The following MARCHF1 variants were observed in gnomAD, a reference collection of about 807,000 sequenced individuals.
The protein encoded by MARCHF1 is membrane associated ring-CH-type finger 1.
In MARCHF1, 40 loss-of-function variants were observed where a neutral mutation model predicts 54.2. The observed-to-expected ratio is 0.74, with a 90% CI of 0.57 to 0.96. The LOEUF is 0.96. Among genes scored for constraint, MARCHF1 ranks in the 40% least tolerant of loss-of-function variants. MARCHF1 has a pLI of 0.00. For missense variants in MARCHF1, 586 were observed against 656.5 expected, an observed-to-expected ratio of 0.89 and a Z score of 1.17; for synonymous variants, 236 against 236.3, an observed-to-expected ratio of 1.00 and a Z score of 0.01.
chr4:163,733,205 ATATATATATATATATACACGTG>A (rs1214382046), intron 4 of MARCHF1, among the ~76,000 whole-genome samples: 627 of 33,102 alleles, frequency 0.019, 12 homozygotes, highest in East Asian at 0.046. Context: ...ATATATATAT[ATATATATATATATATACACGTG>A]TATATATATA....
At chr4:164,095,464 A>C (rs574206824) in intron 2 of MARCHF1, among the ~76,000 whole-genome samples, 2 of 151,960 alleles carry the variant, frequency 1.3e-5, no homozygotes, top group South Asian at 4.2e-4. Context: ...ATTTTCACTC[A>C]TTTCTATTGA....
intron 3 of MARCHF1, among the ~76,000 whole-genome samples, chr4:163,937,742 A>C (rs962970461): frequency 2.0e-5 from 3 of 152,196 alleles, no homozygotes; most frequent in Non-Finnish European, 1.5e-5. Flanking sequence ...CAAATTGGCC[A>C]AGTGGCTGTT....
chr4:164,036,102 CAAAAAAA>C (rs34183134), intron 2 of MARCHF1, among the ~76,000 whole-genome samples: 95 of 82,904 alleles, frequency 1.1e-3, no homozygotes, highest in Non-Finnish European at 2.9e-4. Flanking sequence ...GATTCTGTCT[CAAAAAAA>C]AAAAAAACAA....
intron 5 of MARCHF1, among the ~76,000 whole-genome samples, chr4:163,626,874 C>T (rs569393713): frequency 2.0e-5 from 3 of 152,010 alleles, no homozygotes; most frequent in Non-Finnish European, 4.4e-5. Context: ...TTGCAGTGAG[C>T]GAGATCATGC....
chr4:164,130,682 G>A (rs527820344), intron 1 of MARCHF1, among the ~76,000 whole-genome samples: 1 of 152,166 alleles, frequency 6.6e-6, no homozygotes, highest in Non-Finnish European at 1.5e-5. Context: ...TGGAAAATTG[G>A]GGCTTACAGA....
At chr4:163,905,146 A>G (rs2111318675) in intron 3 of MARCHF1, among the ~76,000 whole-genome samples, 1 of 152,266 alleles carries the variant, frequency 6.6e-6, no homozygotes, top group Admixed American at 6.5e-5. Context: ...TAGAGGAGGC[A>G]GGTGTTTCTA....
At chr4:163,558,036 A>C (rs1241943502) in intron 8 of MARCHF1, among the ~76,000 whole-genome samples, 1 of 152,204 alleles carries the variant, frequency 6.6e-6, no homozygotes, top group African/African-American at 2.4e-5. Context: ...AGGGGGAAAA[A>C]AGAAAAATTT....
intron 4 of MARCHF1, among the ~76,000 whole-genome samples, chr4:163,838,343 T>C (rs1749248056): frequency 6.6e-6 from 1 of 152,100 alleles, no homozygotes; most frequent in African/African-American, 2.4e-5. Flanking sequence ...ATAGTTGTTA[T>C]ACCATATTTT....
At chr4:163,864,174 G>T (rs960542493) in intron 3 of MARCHF1, among the ~76,000 whole-genome samples, 3 of 151,932 alleles carry the variant, frequency 2.0e-5, no homozygotes, top group Non-Finnish European at 4.4e-5. Context: ...AATATGAAAA[G>T]ACAGAAAAAT....
chr4:164,093,395 A>G (rs946018967), intron 2 of MARCHF1, among the ~76,000 whole-genome samples: 1 of 152,180 alleles, frequency 6.6e-6, no homozygotes, highest in Non-Finnish European at 1.5e-5. Flanking sequence ...AAGGCAACCA[A>G]TACTATTGTT....
intron 1 of MARCHF1, among the ~76,000 whole-genome samples, chr4:164,369,943 T>A (rs1208915315): frequency 6.6e-6 from 1 of 152,218 alleles, no homozygotes; most frequent in Admixed American, 6.5e-5. Flanking sequence ...TTAGAACATG[T>A]ATCTTTTTAA....
intron 1 of MARCHF1, among the ~76,000 whole-genome samples, chr4:164,206,459 T>A (rs888417566): frequency 5.3e-5 from 8 of 152,132 alleles, no homozygotes; most frequent in Admixed American, 5.2e-4. Context: ...TAAATTTTAT[T>A]TCATAATACA....
At chr4:163,735,982 C>T (rs1249198821) in intron 4 of MARCHF1, among the ~76,000 whole-genome samples, 1 of 151,900 alleles carries the variant, frequency 6.6e-6, no homozygotes, top group Admixed American at 6.6e-5. Context: ...TGATAAAGTT[C>T]AATTTATAAG....
At chr4:163,952,744 T>G (rs1048573462) in intron 3 of MARCHF1, among the ~76,000 whole-genome samples, 1 of 152,138 alleles carries the variant, frequency 6.6e-6, no homozygotes, top group Non-Finnish European at 1.5e-5. Context: ...CTATCTCCCT[T>G]GTCTTTTATC....
chr4:164,229,012 G>C (rs1732334081), intron 1 of MARCHF1, among the ~76,000 whole-genome samples: 2 of 152,304 alleles, frequency 1.3e-5, no homozygotes, highest in South Asian at 4.1e-4. Context: ...GTCTGTATTA[G>C]CGAAAATTGG....
chr4:163,607,479 A>G (rs1384483520), intron 7 of MARCHF1, among the ~76,000 whole-genome samples: 1 of 152,080 alleles, frequency 6.6e-6, no homozygotes, highest in African/African-American at 2.4e-5. Context: ...GAAATGAGGA[A>G]GTGGATTTGA....
At chr4:164,024,076 T>C (rs532656627) in intron 2 of MARCHF1, among the ~76,000 whole-genome samples, 10 of 151,858 alleles carry the variant, frequency 6.6e-5, no homozygotes, top group Admixed American at 4.6e-4. Flanking sequence ...CTCTGAGAAA[T>C]ATGGGATTAT....
intron 1 of MARCHF1, among the ~76,000 whole-genome samples, chr4:164,244,681 A>G (rs1732883683): frequency 6.6e-6 from 1 of 151,622 alleles, no homozygotes; most frequent in South Asian, 2.1e-4. Flanking sequence ...TGGTTTTTTG[A>G]AAGGATCAAC....
chr4:163,656,908 C>A (rs1242748000), intron 5 of MARCHF1, among the ~76,000 whole-genome samples: 1 of 151,970 alleles, frequency 6.6e-6, no homozygotes, highest in Non-Finnish European at 1.5e-5. Context: ...GAACATACCT[C>A]AAAATAATGA....
Sources: gnomAD v4.1 joint callset for allele counts (sites outside exome capture counted in the v4.1 genomes callset) on GRCh38, gnomAD v4.1.1 for gene constraint, MANE v1.5 for transcripts, NCBI Gene and HGNC (gene_info 2026-07-23, HGNC 2026-07-21) for gene names.